The following HAO1 variants were observed in gnomAD, a reference collection of about 807,000 sequenced individuals.
HAO1 encodes hydroxyacid oxidase 1, also known as 2-Hydroxyacid oxidase 1.
A neutral mutation model predicts 39.7 loss-of-function variants in HAO1; 34 were observed. The observed-to-expected ratio is 0.86, with a 90% CI of 0.65 to 1.14. HAO1 has a LOEUF of 1.14. Ranked by LOEUF, HAO1 falls within the 50% of genes most tolerant of loss-of-function variation. The probability of loss-of-function intolerance (pLI) is 0.00; values close to 1 mark genes in which losing one functional copy is unlikely to be tolerated. For missense variants in HAO1, 479 were observed against 464.5 expected (o/e 1.03, Z -0.29); for synonymous variants, 172 against 173.2 (o/e 0.99, Z 0.05).
At position 7,940,334 on chromosome 20, in the gene HAO1, C is replaced by A; in HGVS notation, c.89G>T (p.Gly30Val). 1 of 1,611,070 alleles carries A rather than the reference C, an allele frequency of 6.2e-7. No homozygotes were observed. The highest frequency in any genetic ancestry group is 2.2e-5 in the East Asian group (1 of 44,802). ...AGCCAAAGTTTCTTCATCATTTGCC[C>A]CAGACCTGTAATAGTCATATATAGA... ...PKSIYDYYRS[G>V]ANDEETLADN... Residue 30 changes from glycine (G) to valine (V), a missense_variant, in exon 1 of 8, where the codon GGG becomes GTG. Transcript: ENST00000378789.
At chr20:7,927,816 G>A (rs113964291) in intron 2 of HAO1, among the ~76,000 whole-genome samples, 1,990 of 152,260 alleles carry the variant, frequency 0.013, 38 homozygotes, top group African/African-American at 0.043. Flanking sequence ...AGTTAATGAC[G>A]TTTGGAAATA....
chr20:7,894,227 C>G (rs371655944), intron 5 of HAO1, among the ~76,000 whole-genome samples: 5 of 152,242 alleles, frequency 3.3e-5, no homozygotes, highest in African/African-American at 1.2e-4. Flanking sequence ...TTCTGGACCC[C>G]CAGTCTCTGA....
intron 2 of HAO1, among the ~76,000 whole-genome samples, chr20:7,933,578 C>T (rs1325871891): frequency 6.6e-6 from 1 of 152,198 alleles, no homozygotes; most frequent in East Asian, 1.9e-4. Flanking sequence ...TTGTGCCATT[C>T]TGATATCCCT....
intron 7 of HAO1, among the ~76,000 whole-genome samples, chr20:7,884,826 G>T (rs2050143569): frequency 6.6e-6 from 1 of 152,056 alleles, no homozygotes; most frequent in Non-Finnish European, 1.5e-5. Context: ...AAAGTAACAT[G>T]ATCTCAATGA....
At position 7,914,305 on chromosome 20, in the gene HAO1, T is replaced by C. The variant is rs1218833401; in HGVS notation, c.404A>G (p.Lys135Arg). 8 of 1,613,956 alleles carry C rather than the reference T, an allele frequency of 5.0e-6. No individual in the cohort carries two copies. Among genetic ancestry groups the C allele is most frequent in the Non-Finnish European group, 6.8e-6 (8 of 1,179,986 alleles). Residue 135 changes from lysine to arginine, a missense_variant, in exon 3 of 8, where the codon AAG becomes AGG. Coordinates refer to ENST00000378789, the MANE Select transcript of HAO1 (RefSeq NM_017545.3). ...TAGCTTCTTGGTGACTTCTCGGTCCTTGTAGATATACAGTTGCAGCCAACG... is the reference window on the plus strand; with the variant it reads ...TAGCTTCTTGGTGACTTCTCGGTCCCTGTAGATATACAGTTGCAGCCAACG... ...ALRWLQLYIYKDREVTKKLVR... is the reference protein window; with the variant it reads ...ALRWLQLYIYRDREVTKKLVR...
intron 1 of HAO1, among the ~76,000 whole-genome samples, chr20:7,939,855 C>T (rs1018874044): frequency 6.6e-6 from 1 of 152,058 alleles, no homozygotes; most frequent in Non-Finnish European, 1.5e-5. Flanking sequence ...AATGATAACA[C>T]GAAAAGCCAG....
chr20:7,916,620 A>C (rs1253993624), intron 2 of HAO1, among the ~76,000 whole-genome samples: 2 of 152,248 alleles, frequency 1.3e-5, no homozygotes, highest in Admixed American at 6.5e-5. Context: ...ATGCTAGATC[A>C]CACTTTGACA....
chr20:7,906,034 G>A (rs765951984), intron 4 of HAO1, 120 bp downstream of exon 4: 21 of 745,876 alleles, frequency 2.8e-5, no homozygotes, highest in Non-Finnish European at 4.0e-5. Context: ...ATTGAGAGTT[G>A]GAATGTCTCT....
At chr20:7,926,178 C>T (rs191245469) in intron 2 of HAO1, among the ~76,000 whole-genome samples, 28 of 152,092 alleles carry the variant, frequency 1.8e-4, no homozygotes, top group African/African-American at 6.5e-4. Context: ...GACTTAGGTT[C>T]AAACCCCATC....
At position 7,883,583 on chromosome 20, in the gene HAO1, T is replaced by C; in HGVS notation, c.*10A>G. The C allele has an allele frequency of 2.2e-5, 35 of 1,600,076 alleles. No homozygotes were observed. Among genetic ancestry groups the C allele is most frequent in the Non-Finnish European group, 2.9e-5 (34 of 1,167,244 alleles). On this transcript the variant is annotated 3_prime_UTR_variant, in exon 8 of 8. Transcript: ENST00000378789. ...AAAAAATAATACAGATGGGAAAATATTGTGCACTGTCAGATCTTGGAAACG... is the reference window on the plus strand; with the variant it reads ...AAAAAATAATACAGATGGGAAAATACTGTGCACTGTCAGATCTTGGAAACG...
chr20:7,940,252 T>C (rs377155030), intron 1 of HAO1, 34 bp downstream of exon 1: 112 of 1,551,436 alleles, frequency 7.2e-5, no homozygotes, highest in Non-Finnish European at 8.3e-5. Flanking sequence ...TTGTGTAATT[T>C]TAAAACATGA....
intron 1 of HAO1, among the ~76,000 whole-genome samples, chr20:7,936,868 A>C (rs1298811704): frequency 6.6e-6 from 1 of 152,250 alleles, no homozygotes; most frequent in South Asian, 2.1e-4. Flanking sequence ...AGTAACAACT[A>C]TGTCAGATAG....
intron 5 of HAO1, among the ~76,000 whole-genome samples, chr20:7,890,866 A>G (rs1277430923): frequency 6.6e-6 from 1 of 152,188 alleles, no homozygotes; most frequent in Non-Finnish European, 1.5e-5. Flanking sequence ...GTCACTGCAA[A>G]TGCTGTTAAT....
intron 2 of HAO1, among the ~76,000 whole-genome samples, chr20:7,916,744 C>T (rs1653266962): frequency 6.6e-6 from 1 of 152,176 alleles, no homozygotes. Flanking sequence ...GTTTTTCATA[C>T]ATGTTCTCCC....
intron 2 of HAO1, among the ~76,000 whole-genome samples, chr20:7,920,829 G>A (rs1015265164): frequency 3.9e-5 from 6 of 152,030 alleles, no homozygotes; most frequent in Admixed American, 2.6e-4. Context: ...ATGCTATAAC[G>A]AACATAGAAG....
chr20:7,908,334 T>C (rs1160076246), intron 3 of HAO1, among the ~76,000 whole-genome samples: 1 of 150,968 alleles, frequency 6.6e-6, no homozygotes, highest in African/African-American at 2.4e-5. Context: ...GAGGTTGCAG[T>C]GAGCAACTCC....
In HAO1 at chr20:7,916,163, C is replaced by T. The variant is rs2050306076; in HGVS notation, c.290-1744G>A. Reference sequence around the variant, plus strand: ...ACATGAGTGATAGGTAGGCTTTCTTCCAAAAATTGGTAGTAAAATTGGAGT... The same window carrying T: ...ACATGAGTGATAGGTAGGCTTTCTTTCAAAAATTGGTAGTAAAATTGGAGT... On this transcript the variant is annotated intron_variant, in intron 2 of 7. Coordinates refer to ENST00000378789, the MANE Select transcript of HAO1 (RefSeq NM_017545.3). Among the ~76,000 whole-genome samples, 4 of 151,846 alleles carry T rather than the reference C, an allele frequency of 2.6e-5. No individual in the cohort carries two copies. The South Asian group carries it at 8.3e-4, about 32-fold the overall frequency.
At chr20:7,922,742 T>A (rs1451872504) in intron 2 of HAO1, among the ~76,000 whole-genome samples, 1 of 152,114 alleles carries the variant, frequency 6.6e-6, no homozygotes, top group Non-Finnish European at 1.5e-5. Flanking sequence ...ACTTGCATAG[T>A]CCAAACATCA....
intron 3 of HAO1, among the ~76,000 whole-genome samples, chr20:7,909,361 ATATATATATATATATATG>A (rs1010827663): frequency 5.1e-5 from 4 of 79,140 alleles, no homozygotes; most frequent in African/African-American, 1.8e-4. Context: ...GGATTATGAC[ATATATATATATATATATG>A]TATATATATA....
Sources: allele counts gnomAD v4.1 joint callset (sites outside exome capture counted in the v4.1 genomes callset), GRCh38; gene constraint gnomAD v4.1.1; transcripts MANE v1.5; gene names NCBI Gene and HGNC (gene_info 2026-07-23, HGNC 2026-07-21).